Variants in SORCS2 observed in about 807,000 individuals in gnomAD.
SORCS2 encodes VPS10 domain-containing receptor SorCS2.
SORCS2 carries 100 observed loss-of-function variants against 141.6 expected under a neutral mutation model. That is an observed-to-expected ratio of 0.71 (90% CI 0.60 to 0.83). The LOEUF (loss-of-function observed/expected upper bound fraction) is 0.83, where lower values mean the gene tolerates loss of function less well. Ranked by LOEUF, SORCS2 falls within the 40% of genes least tolerant of loss-of-function variation. The pLI is 0.00. For synonymous variants in SORCS2, 789 were observed against 676.9 expected, an observed-to-expected ratio of 1.17 and a Z score of -2.57; for missense variants, 1,646 against 1,560.2, an observed-to-expected ratio of 1.05 and a Z score of -0.93.
chr4:7,733,426 G>A lies in SORCS2; in HGVS notation c.3208+5G>A. ...CCCTGCGGGACACAGGCACAGGTGAGCCACTGGGAGCTCCCCTGCGGAATG... is the reference window on the plus strand; with the variant it reads ...CCCTGCGGGACACAGGCACAGGTGAACCACTGGGAGCTCCCCTGCGGAATG... On this transcript the variant is annotated splice_donor_5th_base_variant and intron_variant, in intron 24 of 26. Transcript: ENST00000507866. 1 of 1,574,272 alleles carries A rather than the reference G, an allele frequency of 6.4e-7. No homozygotes were observed. Among genetic ancestry groups the A allele is most frequent in the Non-Finnish European group, 8.6e-7 (1 of 1,159,810 alleles).
chr4:7,281,802 G>C (rs545633447), intron 1 of SORCS2, among the ~76,000 whole-genome samples: 2 of 152,250 alleles, frequency 1.3e-5, no homozygotes, highest in East Asian at 3.9e-4. Flanking sequence ...AATCACAGCC[G>C]GGGCCTCTGA....
intron 1 of SORCS2, among the ~76,000 whole-genome samples, chr4:7,351,692 T>C (rs1353851329): frequency 7.4e-6 from 1 of 135,120 alleles, no homozygotes; most frequent in Non-Finnish European, 1.6e-5. Flanking sequence ...CGTCCATCCA[T>C]CCATCCATCC....
rs182943101 is a variant in SORCS2 at position 7,569,179 on chromosome 4, G to A, written c.648+37550G>A. Among the ~76,000 whole-genome samples, 71 of 152,362 alleles carry A rather than the reference G, an allele frequency of 4.7e-4. No individual in the cohort carries two copies. The East Asian group carries it at 0.013, about 27-fold the overall frequency. ...CAGGCAGAAGTGATTACGGCAGGAAGTGAGAGGTGAGAAGGCCTGTGCCTT... is the reference window on the plus strand; with the variant it reads ...CAGGCAGAAGTGATTACGGCAGGAAATGAGAGGTGAGAAGGCCTGTGCCTT... On this transcript the variant is annotated intron_variant, in intron 3 of 26. Transcript: ENST00000507866.
chr4:7,396,077 C>T (rs1724190914), intron 1 of SORCS2, among the ~76,000 whole-genome samples: 1 of 152,198 alleles, frequency 6.6e-6, no homozygotes, highest in South Asian at 2.1e-4. Flanking sequence ...CTGCAGAGCA[C>T]AAGCAAGTCC....
chr4:7,394,305 T>C (rs73084216), intron 1 of SORCS2, among the ~76,000 whole-genome samples: 10,659 of 151,886 alleles, frequency 0.07, 517 homozygotes, highest in African/African-American at 0.14. Flanking sequence ...TGCCCCGCAC[T>C]GGGGAGATAA....
chr4:7,317,839 T>C (rs1395007854), intron 1 of SORCS2, among the ~76,000 whole-genome samples: 3 of 152,076 alleles, frequency 2.0e-5, no homozygotes, highest in South Asian at 2.1e-4. Flanking sequence ...ATTCTACAAA[T>C]GTACAGAAAC....
intron 1 of SORCS2, among the ~76,000 whole-genome samples, chr4:7,236,426 G>A (rs1712273420): frequency 6.6e-6 from 1 of 152,036 alleles, no homozygotes; most frequent in Admixed American, 6.5e-5. Flanking sequence ...AGGAGAGTGA[G>A]GGGAGTCTGA....
At chr4:7,701,028 C>T (rs1204274640) in intron 12 of SORCS2, among the ~76,000 whole-genome samples, 3 of 152,320 alleles carry the variant, frequency 2.0e-5, no homozygotes, top group African/African-American at 4.8e-5. Flanking sequence ...GCACGCCTCA[C>T]GGCACAAGGT....
chr4:7,277,483 G>A (rs1715579708), intron 1 of SORCS2, among the ~76,000 whole-genome samples: 1 of 152,180 alleles, frequency 6.6e-6, no homozygotes, highest in South Asian at 2.1e-4. Flanking sequence ...GGAGTCCTGC[G>A]GAGACAGTAG....
chr4:7,658,540 G>A (rs1413170158), intron 5 of SORCS2, among the ~76,000 whole-genome samples: 7 of 152,188 alleles, frequency 4.6e-5, no homozygotes, highest in South Asian at 2.1e-4. Context: ...CACAAAAGCC[G>A]AAATCAACAC....
intron 9 of SORCS2, among the ~76,000 whole-genome samples, chr4:7,681,585 C>G (rs1243728213): frequency 6.6e-6 from 1 of 152,220 alleles, no homozygotes; most frequent in Non-Finnish European, 1.5e-5. Flanking sequence ...CCCTCCAGAG[C>G]TGTGGGAGAA....
rs183801261 is a variant in SORCS2, at chr4:7,316,500, G to A, written c.481-79788G>A. Reference sequence around the variant, plus strand: ...AACTAAGGACTCAGCATGGTACCCAGTATGTGCTCTGCAAGAGTTGGCTCT... The same window carrying A: ...AACTAAGGACTCAGCATGGTACCCAATATGTGCTCTGCAAGAGTTGGCTCT... On this transcript the variant is annotated intron_variant, in intron 1 of 26. Coordinates refer to ENST00000507866, the MANE Select transcript of SORCS2 (RefSeq NM_020777.3). 2.6e-3 allele frequency among the ~76,000 whole-genome samples: 391 copies of A among 152,330 alleles called. 3 individuals are homozygous for A. Among genetic ancestry groups the A allele is most frequent in the Non-Finnish European group, 3.8e-3 (259 of 68,040 alleles).
chr4:7,235,370 C>T (rs900861843), intron 1 of SORCS2, among the ~76,000 whole-genome samples: 2 of 152,222 alleles, frequency 1.3e-5, no homozygotes, highest in African/African-American at 4.8e-5. Context: ...GGGGCAGGAA[C>T]TGGTAAGACC....
intron 2 of SORCS2, among the ~76,000 whole-genome samples, chr4:7,417,241 G>A (rs1054879431): frequency 6.6e-6 from 1 of 152,204 alleles, no homozygotes; most frequent in Non-Finnish European, 1.5e-5. Flanking sequence ...GACTTGTCCA[G>A]GGATGATGCT....
chr4:7,709,268 C>T (rs537077759), intron 14 of SORCS2, among the ~76,000 whole-genome samples: 3 of 152,322 alleles, frequency 2.0e-5, no homozygotes, highest in Non-Finnish European at 2.9e-5. Flanking sequence ...CGGGCCTCAG[C>T]TTACCTGGCC....
intron 3 of SORCS2, among the ~76,000 whole-genome samples, chr4:7,594,779 A>G (rs998088983): frequency 3.3e-5 from 5 of 151,984 alleles, no homozygotes; most frequent in East Asian, 1.9e-4. Context: ...CCGCTGTTCA[A>G]TGCTCATCCA....
intron 3 of SORCS2, among the ~76,000 whole-genome samples, chr4:7,578,375 T>G (rs905643938): frequency 6.6e-6 from 1 of 152,090 alleles, no homozygotes; most frequent in Non-Finnish European, 1.5e-5. Context: ...CTAAGACAGG[T>G]GGGCAGACAG....
intron 1 of SORCS2, among the ~76,000 whole-genome samples, chr4:7,216,139 C>T (rs530341844): frequency 2.6e-5 from 4 of 152,268 alleles, no homozygotes; most frequent in Non-Finnish European, 5.9e-5. Context: ...CGGGGAGGAA[C>T]AAACAACTCC....
chr4:7,378,577 C>A (rs897054106), intron 1 of SORCS2, among the ~76,000 whole-genome samples: 3 of 152,148 alleles, frequency 2.0e-5, no homozygotes, highest in Non-Finnish European at 4.4e-5. Flanking sequence ...ATGGGGGAAT[C>A]CACCCCCGTG....
Sources: allele counts gnomAD v4.1 joint callset (sites outside exome capture counted in the v4.1 genomes callset), GRCh38; gene constraint gnomAD v4.1.1; transcripts MANE v1.5; gene names NCBI Gene and HGNC (gene_info 2026-07-23, HGNC 2026-07-21).